The following PCM1 variants were observed in gnomAD, a reference collection of about 807,000 sequenced individuals.
PCM1 encodes pericentriolar material 1 protein.
PCM1 carries 157 observed loss-of-function variants against 241.9 expected under a neutral mutation model. The ratio of observed to expected loss-of-function variants is 0.65; its 90% CI spans 0.57 to 0.74. PCM1 has a LOEUF of 0.74. Among genes scored for constraint, PCM1 ranks in the 30% least tolerant of loss-of-function variants. PCM1 has a pLI of 0.00. For synonymous variants in PCM1, 1,085 were observed against 784.9 expected, an observed-to-expected ratio of 1.38 and a Z score of -6.39; for missense variants, 3,478 against 2,360.1, an observed-to-expected ratio of 1.47 and a Z score of -9.81.
intron 30 of PCM1, among the ~76,000 whole-genome samples, chr8:18,007,952 C>T (rs889504994): frequency 6.6e-6 from 1 of 152,148 alleles, no homozygotes; most frequent in African/African-American, 2.4e-5. Context: ...AAAATGTATA[C>T]AGTATACTTC....
intron 27 of PCM1, among the ~76,000 whole-genome samples, chr8:17,991,099 T>C (rs188529139): frequency 2.0e-5 from 3 of 152,054 alleles, no homozygotes; most frequent in African/African-American, 4.8e-5. Flanking sequence ...GAAGTAGACA[T>C]AGAATTGGGA....
intron 8 of PCM1, among the ~76,000 whole-genome samples, chr8:17,951,695 AC>A (rs2066076630): frequency 6.6e-6 from 1 of 152,314 alleles, no homozygotes; most frequent in Admixed American, 6.5e-5. Flanking sequence ...GAAAATAAAA[AC>A]ATGTAGAGAA....
At chr8:18,014,885 G>C (rs138150049) in intron 36 of PCM1, 45 bp downstream of exon 36, 4 of 1,477,632 alleles carry the variant, frequency 2.7e-6, no homozygotes, top group Non-Finnish European at 3.6e-6. Flanking sequence ...TTTCATTTCT[G>C]TGCATATTTC....
At chr8:17,945,668 A>G (rs537262042) in intron 6 of PCM1, among the ~76,000 whole-genome samples, 2 of 152,280 alleles carry the variant, frequency 1.3e-5, no homozygotes, top group East Asian at 1.9e-4. Context: ...TTGGGGAGGT[A>G]AAGAAATTTT....
rs553329764 is a variant in PCM1 at position 17,997,885 on chromosome 8, A to C, written c.4827+4266A>C. 3.6e-3 allele frequency among the ~76,000 whole-genome samples: 550 copies of C among 151,686 alleles called. 7 individuals are homozygous for C. The highest frequency in any genetic ancestry group is 0.013 in the African/African-American group (531 of 41,318). On this transcript the variant is annotated intron_variant, in intron 29 of 38. Transcript: ENST00000325083. ...ACTACAACATACAAAAAAAAAAAAAAAGTAGCTGGACATGGTGGTGCGCAC... is the reference window on the plus strand; with the variant it reads ...ACTACAACATACAAAAAAAAAAAAACAGTAGCTGGACATGGTGGTGCGCAC...
chr8:18,018,066 G>A (rs575229058), intron 36 of PCM1, among the ~76,000 whole-genome samples: 19 of 152,298 alleles, frequency 1.2e-4, no homozygotes, highest in African/African-American at 4.6e-4. Context: ...TCCCTTGGAG[G>A]AAAGAAAATA....
intron 13 of PCM1, among the ~76,000 whole-genome samples, chr8:17,958,112 A>G (rs2069555899): frequency 6.6e-6 from 1 of 152,184 alleles, no homozygotes; most frequent in Non-Finnish European, 1.5e-5. Flanking sequence ...TTTATTTACA[A>G]AAACAGAAGA....
intron 27 of PCM1, among the ~76,000 whole-genome samples, chr8:17,991,105 T>G (rs1270249301): frequency 6.6e-6 from 1 of 152,084 alleles, no homozygotes; most frequent in East Asian, 1.9e-4. Context: ...GACATAGAAT[T>G]GGGAAATTTC....
Position 17,935,629 on chromosome 8 carries a change from C to A in PCM1, c.19C>A (p.Pro7Thr). Residue 7 changes from proline (P) to threonine (T), a missense_variant, in exon 3 of 39, where the codon CCC becomes ACC. Transcript: ENST00000325083. MATGGGPFEDGMNDQDL... is the reference protein window; with the variant it reads MATGGGTFEDGMNDQDL... ...ATCCAGTATGGCCACAGGAGGAGGTCCCTTTGAAGATGGCATGAATGATCA... is the reference window on the plus strand; with the variant it reads ...ATCCAGTATGGCCACAGGAGGAGGTACCTTTGAAGATGGCATGAATGATCA... 2 of 1,532,274 alleles carry A rather than the reference C, an allele frequency of 1.3e-6. No individual in the cohort carries two copies. The highest frequency in any genetic ancestry group is 1.8e-6 in the Non-Finnish European group (2 of 1,105,966). 94.9% of individuals were successfully genotyped at this position (1,532,274 alleles called of 1,614,324 possible).
intron 29 of PCM1, among the ~76,000 whole-genome samples, chr8:18,005,624 A>T (rs1019361066): frequency 1.1e-4 from 16 of 152,188 alleles, no homozygotes; most frequent in African/African-American, 3.6e-4. Context: ...TTTGTAGCTC[A>T]CACATGCTTC....
intron 23 of PCM1, among the ~76,000 whole-genome samples, chr8:17,980,007 A>G (rs1453858241): frequency 6.6e-6 from 1 of 152,046 alleles, no homozygotes; most frequent in East Asian, 1.9e-4. Context: ...ACCGATGTGT[A>G]TTTTAATTCA....
chr8:18,005,905 G>A (rs1042951206), intron 29 of PCM1: 1 of 172,186 alleles, frequency 5.8e-6, no homozygotes, highest in Admixed American at 6.0e-5. Flanking sequence ...GCTTGTAAGA[G>A]TATTTGAAAT....
At position 17,991,565 on chromosome 8, in the gene PCM1, C is replaced by A. The variant is rs1216013680; in HGVS notation, c.4555C>A (p.Gln1519Lys). The A allele has an allele frequency of 1.2e-6, 2 of 1,602,040 alleles. No homozygotes were observed. The highest frequency in any genetic ancestry group is 3.4e-5 in the Admixed American group (2 of 58,290). ...AGGTAACACCGTGATTCACTTAGAT[C>A]AAGCATTAGCCAGAATGAGAGAATA... is the stretch of plus-strand genomic sequence containing the variant. ...DLGNTVIHLD[Q>K]ALARMREYER... Residue 1519 changes from glutamine to lysine, a missense_variant, in exon 28 of 39, where the codon CAA (glutamine) becomes AAA (lysine). Physicochemically the swap from Gln to Lys is moderately conservative, Grantham distance 53 (BLOSUM62 1). Transcript: ENST00000325083.
intron 34 of PCM1, among the ~76,000 whole-genome samples, chr8:18,012,073 T>C (rs1344941661): frequency 3.3e-5 from 5 of 152,172 alleles, no homozygotes; most frequent in African/African-American, 9.7e-5. Flanking sequence ...TCATTGCTCA[T>C]AGCCTCAAAC....
rs397786198 is a variant in PCM1, at chr8:17,969,752, C to CT, written c.3584+5dup. On this transcript the variant is annotated splice_donor_region_variant and intron_variant, in intron 22 of 38. Coordinates refer to ENST00000325083, the MANE Select transcript of PCM1 (RefSeq NM_006197.4). ...CTATTGGAGCAGAGAAACCAAGGTA[C>CT]TGATTGTAAACAGTCTTTTATTGCT... 1 of 1,454,126 alleles carries CT rather than the reference C, an allele frequency of 6.9e-7. No individual in the cohort carries two copies. The highest frequency in any genetic ancestry group is 9.1e-7 in the Non-Finnish European group (1 of 1,103,496). The allele number at this position is 1,454,126 out of a possible 1,614,324, so 90.1% of individuals were successfully genotyped here.
chr8:17,953,863 G>A (rs71526172), intron 9 of PCM1, among the ~76,000 whole-genome samples: 6 of 152,084 alleles, frequency 3.9e-5, no homozygotes, highest in Non-Finnish European at 5.9e-5. Flanking sequence ...ATTAGAAATT[G>A]AAGTCAGTAG....
intron 7 of PCM1, among the ~76,000 whole-genome samples, chr8:17,948,881 A>C (rs1337469844): frequency 1.3e-5 from 2 of 152,212 alleles, no homozygotes; most frequent in African/African-American, 4.8e-5. Flanking sequence ...CTAAACTTGC[A>C]TAATCTCCTT....
At position 17,948,381 on chromosome 8, in the gene PCM1, T is replaced by G. The variant is rs574359347; in HGVS notation, c.961+1018T>G. On this transcript the variant is annotated intron_variant, in intron 7 of 38. Transcript: ENST00000325083. ...GTGCAATGGCATGTTCTCGGCTCAC[T>G]GCAACCTCTGCCTCCCAGGTTCAAG... Among the ~76,000 whole-genome samples the G allele has an allele frequency of 4.4e-5, 6 of 137,306 alleles. No homozygotes were observed. In the South Asian group the frequency reaches 1.2e-3, roughly 28 times the overall value. The allele number at this position is 137,306 out of a possible 152,430, so 90.1% of individuals were successfully genotyped here.
Position 17,993,576 on chromosome 8 carries a change from G to T in PCM1, c.4784G>T (p.Arg1595Leu), listed in dbSNP as rs368500123. Residue 1595 changes from arginine to leucine, a missense_variant, in exon 29 of 39, where the codon CGG becomes CTG. Transcript: ENST00000325083. Reference protein sequence around the residue: ...CPRIDTQQLDRQIKAIMKEVI... With the variant: ...CPRIDTQQLDLQIKAIMKEVI... ...AGAATTGATACTCAGCAGCTGGACCGGCAAATTAAAGCAATTATGAAAGAA... is the reference window on the plus strand; with the variant it reads ...AGAATTGATACTCAGCAGCTGGACCTGCAAATTAAAGCAATTATGAAAGAA... 1.6e-5 allele frequency: 26 copies of T among 1,594,986 alleles called. No individual in the cohort carries two copies. Among genetic ancestry groups the T allele is most frequent in the Non-Finnish European group, 2.1e-5 (24 of 1,169,596 alleles).
Sources: gnomAD v4.1 joint callset for allele counts (sites outside exome capture counted in the v4.1 genomes callset) on GRCh38, gnomAD v4.1.1 for gene constraint, MANE v1.5 for transcripts, NCBI Gene and HGNC (gene_info 2026-07-23, HGNC 2026-07-21) for gene names.